Variants in CNTNAP2 observed in about 807,000 individuals in gnomAD.
The protein encoded by CNTNAP2 is contactin associated protein 2, also known as contactin-associated protein-like 2.
CNTNAP2 carries 98 observed loss-of-function variants against 155.2 expected under a neutral mutation model. The observed-to-expected ratio is 0.63, with a 90% CI of 0.54 to 0.75. The LOEUF (loss-of-function observed/expected upper bound fraction) is 0.75, where lower values mean the gene tolerates loss of function less well. CNTNAP2 is among the 30% of genes least tolerant of loss of function. The pLI is 0.00. For missense variants in CNTNAP2, 1,727 were observed against 1,688.1 expected (o/e 1.02, Z -0.40); for synonymous variants, 651 against 631.2 (o/e 1.03, Z -0.47).
intron 2 of CNTNAP2, among the ~76,000 whole-genome samples, chr7:146,783,261 G>A (rs1262881484): frequency 3.9e-5 from 6 of 152,018 alleles, no homozygotes; most frequent in Admixed American, 6.5e-5. Flanking sequence ...ACATTAGGGC[G>A]AATAAAAAGT....
intron 2 of CNTNAP2, among the ~76,000 whole-genome samples, chr7:146,820,642 G>C (rs1260116952): frequency 6.6e-6 from 1 of 152,124 alleles, no homozygotes; most frequent in Non-Finnish European, 1.5e-5. Flanking sequence ...TGTATATTCT[G>C]TTGATTTGGG....
chr7:147,893,365 A>C (rs964588318), intron 13 of CNTNAP2, among the ~76,000 whole-genome samples: 8 of 152,216 alleles, frequency 5.3e-5, no homozygotes, highest in African/African-American at 1.9e-4. Context: ...TTAAATTGAG[A>C]TGTTACTATA....
chr7:147,973,924 C>T (rs1372846796), intron 14 of CNTNAP2, among the ~76,000 whole-genome samples: 1 of 152,068 alleles, frequency 6.6e-6, no homozygotes, highest in East Asian at 1.9e-4. Flanking sequence ...ATTATTCTCA[C>T]TTAATGAATC....
chr7:147,337,152 T>G (rs2116852584), intron 9 of CNTNAP2, among the ~76,000 whole-genome samples: 2 of 152,210 alleles, frequency 1.3e-5, no homozygotes, highest in South Asian at 4.2e-4. Flanking sequence ...CACAACAATT[T>G]CAGTGAAGCA....
intron 19 of CNTNAP2, among the ~76,000 whole-genome samples, chr7:148,226,639 A>G (rs1301543380): frequency 9.7e-5 from 2 of 20,620 alleles, no homozygotes; most frequent in Admixed American, 3.3e-4. Flanking sequence ...GGAAAGGGGA[A>G]AAAAAATGCC....
chr7:146,368,281 A>G (rs1336377248), intron 1 of CNTNAP2, among the ~76,000 whole-genome samples: 1 of 152,188 alleles, frequency 6.6e-6, no homozygotes, highest in African/African-American at 2.4e-5. Flanking sequence ...GAAGTATTAT[A>G]TATATTTTCA....
chr7:146,434,486 C>T (rs796593559), intron 1 of CNTNAP2, among the ~76,000 whole-genome samples: 1 of 152,120 alleles, frequency 6.6e-6, no homozygotes, highest in Non-Finnish European at 1.5e-5. Flanking sequence ...ACTATTAGTT[C>T]ATAACCCTCA....
chr7:146,853,676 C>T (rs1360675596), intron 3 of CNTNAP2, among the ~76,000 whole-genome samples: 1 of 152,068 alleles, frequency 6.6e-6, no homozygotes, highest in Admixed American at 6.6e-5. Flanking sequence ...CTAGTCTTTG[C>T]TTTCTCTATT....
intron 16 of CNTNAP2, among the ~76,000 whole-genome samples, chr7:148,120,676 C>T (rs1585136646): frequency 6.6e-6 from 1 of 152,296 alleles, no homozygotes; most frequent in East Asian, 1.9e-4. Context: ...TTACAGCCTC[C>T]TTTTGTCAAA....
chr7:147,712,277 A>C (rs529364770), intron 13 of CNTNAP2, among the ~76,000 whole-genome samples: 1 of 152,328 alleles, frequency 6.6e-6, no homozygotes, highest in African/African-American at 2.4e-5. Flanking sequence ...GAGAAATAGG[A>C]ACACTTTTAC....
At chr7:146,452,490 C>T (rs1526146) in intron 1 of CNTNAP2, among the ~76,000 whole-genome samples, 63,878 of 152,004 alleles carry the variant, frequency 0.42, 16,379 homozygotes, top group African/African-American at 0.72. Flanking sequence ...TAAATTTGTT[C>T]GATAACAGTG....
chr7:146,975,092 C>G (rs1220898825), intron 3 of CNTNAP2, among the ~76,000 whole-genome samples: 2 of 152,140 alleles, frequency 1.3e-5, no homozygotes, highest in East Asian at 3.9e-4. Context: ...TAGGATAGAA[C>G]AGAAGTACAT....
chr7:147,018,270 C>A (rs1057380357), intron 3 of CNTNAP2, among the ~76,000 whole-genome samples: 1 of 152,014 alleles, frequency 6.6e-6, no homozygotes, highest in Non-Finnish European at 1.5e-5. Flanking sequence ...TAGAGAGCTG[C>A]AAGACAAGCC....
chr7:146,769,975 T>G (rs2129185190), intron 1 of CNTNAP2, among the ~76,000 whole-genome samples: 1 of 152,246 alleles, frequency 6.6e-6, no homozygotes, highest in African/African-American at 2.4e-5. Flanking sequence ...AAACTTAAAC[T>G]TCCTCATATT....
At chr7:147,229,609 A>AG (rs1437013611) in intron 8 of CNTNAP2, among the ~76,000 whole-genome samples, 1 of 152,194 alleles carries the variant, frequency 6.6e-6, no homozygotes, top group African/African-American at 2.4e-5. Context: ...TGTTGGGTTG[A>AG]TGGACTTACA....
rs545356853 is a variant in CNTNAP2, at chr7:146,188,766, G to A, written c.97+71793G>A. Among the ~76,000 whole-genome samples the A allele has an allele frequency of 2.0e-5, 3 of 152,222 alleles. No homozygotes were observed. The South Asian group carries it at 6.2e-4, about 32-fold the overall frequency. On this transcript the variant is annotated intron_variant, in intron 1 of 23. Coordinates refer to ENST00000361727, the MANE Select transcript of CNTNAP2 (RefSeq NM_014141.6). Reference sequence around the variant, plus strand: ...TCATTTATTTTGCATCTTATATCATGAATAGACTAGAGCACACCAAACCAC... The same window carrying A: ...TCATTTATTTTGCATCTTATATCATAAATAGACTAGAGCACACCAAACCAC...
At chr7:146,814,826 A>G (rs1803133364) in intron 2 of CNTNAP2, among the ~76,000 whole-genome samples, 3 of 152,190 alleles carry the variant, frequency 2.0e-5, no homozygotes, top group Non-Finnish European at 1.5e-5. Context: ...ACTTACAGTC[A>G]TTTCTGGTAT....
intron 1 of CNTNAP2, among the ~76,000 whole-genome samples, chr7:146,515,292 T>C (rs1299001197): frequency 2.0e-5 from 3 of 152,072 alleles, no homozygotes; most frequent in Non-Finnish European, 4.4e-5. Context: ...GAATCCAAGA[T>C]AATAGAGAAG....
At chr7:146,820,693 A>G (rs891142329) in intron 2 of CNTNAP2, among the ~76,000 whole-genome samples, 10 of 152,168 alleles carry the variant, frequency 6.6e-5, no homozygotes, top group African/African-American at 2.4e-4. Flanking sequence ...TGCTTGGTGC[A>G]GAGCTGAGTT....
Sources: gnomAD v4.1 joint callset for allele counts (sites outside exome capture counted in the v4.1 genomes callset) on GRCh38, gnomAD v4.1.1 for gene constraint, MANE v1.5 for transcripts, NCBI Gene and HGNC (gene_info 2026-07-23, HGNC 2026-07-21) for gene names.